The following GSDMC variants were observed in gnomAD, a reference collection of about 807,000 sequenced individuals.
GSDMC encodes the protein gasdermin C.
A neutral mutation model predicts 58.0 loss-of-function variants in GSDMC; 59 were observed. The ratio of observed to expected loss-of-function variants is 1.02; its 90% CI spans 0.82 to 1.26. The LOEUF is 1.26. Among genes scored for constraint, GSDMC ranks in the 50% most tolerant of loss-of-function variants. The pLI is 0.00. For synonymous variants in GSDMC, 241 were observed against 220.2 expected, an observed-to-expected ratio of 1.09 and a Z score of -0.83; for missense variants, 659 against 598.5, an observed-to-expected ratio of 1.10 and a Z score of -1.06.
At chr8:129,785,760 A>T (rs1325955367) in intron 1 of GSDMC, among the ~76,000 whole-genome samples, 1 of 45,326 alleles carries the variant, frequency 2.2e-5, no homozygotes, top group Admixed American at 2.6e-4. Flanking sequence ...GTCACTGGAC[A>T]AGCAGAGAAT....
In GSDMC at chr8:129,749,079, C is replaced by T. The variant is rs575422208; in HGVS notation, c.1288-339G>A. 2.0e-5 allele frequency among the ~76,000 whole-genome samples: 3 copies of T among 152,126 alleles called. No homozygotes were observed. In the South Asian group the frequency reaches 6.2e-4, roughly 32 times the overall value. On this transcript the variant is annotated intron_variant, in intron 13 of 13. Coordinates refer to ENST00000276708, the MANE Select transcript of GSDMC (RefSeq NM_031415.3). ...ACACATATACTTGGAGAGAGAAAAA[C>T]AGAGAAATTAGCAAATCATAACAGT...
downstream of GSDMC, among the ~76,000 whole-genome samples, chr8:129,747,703 A>G (rs2032998796): frequency 6.6e-6 from 1 of 152,154 alleles, no homozygotes; most frequent in South Asian, 2.1e-4. Context: ...ATTTGAAGAG[A>G]ACAAGATGGT....
chr8:129,710,214 G>C, the GSDMC span, among the ~76,000 whole-genome samples: 1 of 152,118 alleles, frequency 6.6e-6, no homozygotes, highest in Non-Finnish European at 1.5e-5. Context: ...TTCCAGTCTA[G>C]CATGCAGCAC....
chr8:129,724,121 T>C, the GSDMC span, among the ~76,000 whole-genome samples: 2 of 152,186 alleles, frequency 1.3e-5, no homozygotes. Context: ...AAGCCATCTA[T>C]GGAGAGACCA....
Position 129,776,189 on chromosome 8 carries a change from G to C in GSDMC, c.317C>G (p.Ser106Ter). 6.2e-7 allele frequency: 1 copy of C among 1,613,686 alleles called. No homozygotes were observed. Residue 106 changes from serine to a stop codon, truncating the protein, a stop_gained, in exon 3 of 14, where the codon TCA becomes TGA. Transcript: ENST00000276708. LOFTEE classifies it high-confidence loss of function. Reference sequence around the variant, plus strand: ...TCCATGGTCCACAGAGGCCTCCCCTGACACACTCACTTCTATACCAACATT... The same window carrying C: ...TCCATGGTCCACAGAGGCCTCCCCTCACACACTCACTTCTATACCAACATT... ...GVNVGIEVSV[S>*]GEASVDHGCS...
chr8:129,751,918 C>A, intron 8 of GSDMC, 27 bp from the exon 9 acceptor site: 1 of 1,603,450 alleles, frequency 6.2e-7, no homozygotes, highest in Non-Finnish European at 8.5e-7. Flanking sequence ...AATTCCTCAC[C>A]AAAGAGGCTC....
chr8:129,717,468 G>A, the GSDMC span, among the ~76,000 whole-genome samples: 1 of 151,966 alleles, frequency 6.6e-6, no homozygotes, highest in African/African-American at 2.4e-5. Context: ...TACAAGGGAT[G>A]TGAAGGAACT....
At chr8:129,720,881 T>C in the GSDMC span, among the ~76,000 whole-genome samples, 1 of 152,000 alleles carries the variant, frequency 6.6e-6, no homozygotes, top group African/African-American at 2.4e-5. Flanking sequence ...GTAGTGAAAA[T>C]AAAATGGGAT....
At chr8:129,715,687 T>C in the GSDMC span, among the ~76,000 whole-genome samples, 7 of 152,092 alleles carry the variant, frequency 4.6e-5, no homozygotes. Context: ...CAAAAAGACA[T>C]CATCATTTAG....
chr8:129,724,045 G>A, the GSDMC span, among the ~76,000 whole-genome samples: 62 of 152,306 alleles, frequency 4.1e-4, no homozygotes, highest in Admixed American at 3.5e-3. Context: ...GGAAAGCCAG[G>A]CTTGCTGTAT....
chr8:129,721,115 G>A, the GSDMC span, among the ~76,000 whole-genome samples: 1 of 152,110 alleles, frequency 6.6e-6, no homozygotes, highest in African/African-American at 2.4e-5. Context: ...TCCTAAACCT[G>A]GGTCTTCCAA....
intron 6 of GSDMC, among the ~76,000 whole-genome samples, chr8:129,755,933 A>G (rs1234747477): frequency 6.6e-6 from 1 of 151,984 alleles, no homozygotes; most frequent in African/African-American, 2.4e-5. Context: ...CACTAAAAGG[A>G]AGGCAAAAAG....
chr8:129,747,538 A>T (rs2032994069), downstream of GSDMC, among the ~76,000 whole-genome samples: 1 of 152,218 alleles, frequency 6.6e-6, no homozygotes, highest in Admixed American at 6.5e-5. Context: ...AGCCAAGGTG[A>T]TTCTGATGAG....
chr8:129,765,850 G>T, intron 3 of GSDMC, 57 bp from the exon 4 acceptor site: 1 of 1,460,540 alleles, frequency 6.8e-7, no homozygotes, highest in Non-Finnish European at 9.4e-7. Flanking sequence ...GGCTTTTCAG[G>T]TTACTCTGGG....
At chr8:129,772,805 C>T (rs1457871200) in intron 3 of GSDMC, among the ~76,000 whole-genome samples, 1 of 152,108 alleles carries the variant, frequency 6.6e-6, no homozygotes, top group Non-Finnish European at 1.5e-5. Flanking sequence ...CAGATAAGGA[C>T]ATTACAAGAA....
the GSDMC span, among the ~76,000 whole-genome samples, chr8:129,715,798 T>C: frequency 6.6e-6 from 1 of 152,196 alleles, no homozygotes; most frequent in African/African-American, 2.4e-5. Context: ...GATTTTTTAT[T>C]ATTTAAATAT....
At chr8:129,719,057 C>G in the GSDMC span, among the ~76,000 whole-genome samples, 2 of 152,044 alleles carry the variant, frequency 1.3e-5, no homozygotes, top group East Asian at 3.9e-4. Flanking sequence ...AGGGGAGGGA[C>G]AGCATTAGTA....
chr8:129,728,729 G>T, the GSDMC span: 2 of 438,658 alleles, frequency 4.6e-6, no homozygotes. Context: ...CTACTGGCTT[G>T]TAGATCAAAC....
At chr8:129,752,580 T>C in intron 7 of GSDMC, 118 bp downstream of exon 7, 5 of 1,419,310 alleles carry the variant, frequency 3.5e-6, no homozygotes, top group Non-Finnish European at 4.7e-6. Context: ...ATGAGCAAGA[T>C]GGTGCAATAG....
Sources: gnomAD v4.1 joint callset for allele counts (sites outside exome capture counted in the v4.1 genomes callset) on GRCh38, gnomAD v4.1.1 for gene constraint, MANE v1.5 for transcripts, NCBI Gene and HGNC (gene_info 2026-07-23, HGNC 2026-07-21) for gene names.